The following TET2 variants were observed in gnomAD, a reference collection of about 807,000 sequenced individuals.
TET2 encodes tet methylcytosine dioxygenase 2.
Under a neutral mutation model 142.9 loss-of-function variants are expected in TET2, and 299 were observed. The observed-to-expected ratio is 2.09, with a 90% CI of 1.90 to 2.30. The LOEUF (loss-of-function observed/expected upper bound fraction) is 2.30. Among genes scored for constraint, TET2 ranks in the 30% most tolerant of loss-of-function variants. The probability of loss-of-function intolerance (pLI) is 0.00; values close to 1 mark genes in which losing one functional copy is unlikely to be tolerated. For synonymous variants in TET2, 819 were observed against 849.0 expected (o/e 0.96, Z 0.61); for missense variants, 2,418 against 2,378.0 (o/e 1.02, Z -0.35).
intron 2 of TET2, among the ~76,000 whole-genome samples, chr4:105,198,782 T>C (rs1726253962): frequency 6.6e-6 from 1 of 152,196 alleles, no homozygotes; most frequent in African/African-American, 2.4e-5. Flanking sequence ...GTGGTAATAT[T>C]TGGGAACTCA....
At chr4:105,173,606 TAAAG>T (rs926583891) in intron 1 of TET2, among the ~76,000 whole-genome samples, 6 of 151,980 alleles carry the variant, frequency 3.9e-5, no homozygotes, top group African/African-American at 9.7e-5. Flanking sequence ...ATAAAGGAAA[TAAAG>T]AAATTCTAGT....
Position 105,272,768 on chromosome 4 carries a change from A to G in TET2, c.4387A>G (p.Thr1463Ala). Reference protein sequence around the residue: ...KVRMLAEPVKTCRQRKLEAKK... With the variant: ...KVRMLAEPVKACRQRKLEAKK... The stretch of plus-strand genomic sequence containing the variant: ...CAGGATGTTAGCAGAGCCAGTCAAG[A>G]CTTGCCGACAAAGGAAACTAGAAGC... The change falls in exon 10 of 11, where the codon ACT (threonine) becomes GCT (alanine). Residue 1463 changes from threonine to alanine, a missense_variant. Transcript: ENST00000380013. 6.4e-7 allele frequency: 1 copy of G among 1,551,678 alleles called. No homozygotes were observed. The highest frequency in any genetic ancestry group is 8.7e-7 in the Non-Finnish European group (1 of 1,146,968).
At chr4:105,167,306 A>G (rs534464113) in intron 1 of TET2, among the ~76,000 whole-genome samples, 1 of 152,202 alleles carries the variant, frequency 6.6e-6, no homozygotes, top group South Asian at 2.1e-4. Flanking sequence ...AACAAAGAAA[A>G]TTAAATTTTA....
In TET2 at chr4:105,276,845, C is replaced by CCCCCCCCCCA. The variant is rs1271370575; in HGVS notation, c.*330_*331insCCCCCACCCC. On this transcript the variant is annotated 3_prime_UTR_variant, in exon 11 of 11. Transcript: ENST00000380013. ...GATGATATGTAAATGTGATCCCCCCCCCCCGCTTACAACTCTACACATCTG... is the reference window on the plus strand; with the variant it reads ...GATGATATGTAAATGTGATCCCCCCCCCCCCCCCCACCCCGCTTACAACTCTACACATCTG... 2.6e-4 allele frequency: 55 copies of CCCCCCCCCCA among 213,034 alleles called. No homozygotes were observed. The highest frequency in any genetic ancestry group is 3.8e-4 in the Non-Finnish European group (41 of 107,738). 13.2% of individuals were successfully genotyped at this position (213,034 alleles called of 1,614,324 possible).
intron 1 of TET2, among the ~76,000 whole-genome samples, chr4:105,166,610 G>GA (rs138068949): frequency 0.036 from 5,116 of 143,966 alleles, 257 homozygotes; most frequent in East Asian, 0.2. Context: ...TCTTCTTACA[G>GA]AAAAAAAAAG....
chr4:105,277,445 CTT>C lies in TET2; in HGVS notation c.*927_*928del, dbSNP rs1731275929. ...ACTTTGTCTACCTAAGCTTTGACAA[CTT>C]GAACAATGCTAAGGTACTGAGATGT... On this transcript the variant is annotated 3_prime_UTR_variant, in exon 11 of 11. Transcript: ENST00000380013. The C allele has an allele frequency of 4.4e-6, 1 of 226,484 alleles. No individual in the cohort carries two copies. Among genetic ancestry groups the C allele is most frequent in the Non-Finnish European group, 8.8e-6 (1 of 113,884 alleles). The allele number at this position is 226,484 out of a possible 1,614,324, so 14.0% of individuals were successfully genotyped here.
chr4:105,242,694 C>T (rs946607071), intron 4 of TET2, 140 bp from the exon 5 acceptor site: 2 of 1,443,054 alleles, frequency 1.4e-6, no homozygotes, highest in Non-Finnish European at 1.8e-6. Context: ...TGGCGTAGAC[C>T]TGTTTAAAAA....
At chr4:105,221,109 GAC>G (rs1727790528) in intron 2 of TET2, among the ~76,000 whole-genome samples, 1 of 151,992 alleles carries the variant, frequency 6.6e-6, no homozygotes, top group Admixed American at 6.6e-5. Flanking sequence ...AAATATTTGT[GAC>G]ACAGTACATT....
chr4:105,166,918 G>A (rs1301655546), intron 1 of TET2, among the ~76,000 whole-genome samples: 1 of 151,974 alleles, frequency 6.6e-6, no homozygotes, highest in Non-Finnish European at 1.5e-5. Flanking sequence ...ATATGGCTCT[G>A]TTAAAATGTA....
At chr4:105,202,624 T>G (rs1726551619) in intron 2 of TET2, 1 of 152,250 alleles carries the variant, frequency 6.6e-6, no homozygotes, top group African/African-American at 2.4e-5. Context: ...CTGTTTTCCT[T>G]AAAGGCAGTC....
At chr4:105,154,725 A>C (rs537124819) in intron 1 of TET2, among the ~76,000 whole-genome samples, 1 of 152,278 alleles carries the variant, frequency 6.6e-6, no homozygotes, top group South Asian at 2.1e-4. Context: ...GATGTAACCC[A>C]AGTGTTAAAA....
At chr4:105,165,540 G>A (rs1724107972) in intron 1 of TET2, among the ~76,000 whole-genome samples, 1 of 152,154 alleles carries the variant, frequency 6.6e-6, no homozygotes, top group Admixed American at 6.6e-5. Flanking sequence ...TTATTTATGT[G>A]TCAGAAACTG....
intron 1 of TET2, among the ~76,000 whole-genome samples, chr4:105,188,803 A>C (rs1213964822): frequency 6.6e-6 from 1 of 152,178 alleles, no homozygotes; most frequent in African/African-American, 2.4e-5. Flanking sequence ...CAAAATAGGA[A>C]AACCCATAAA....
At chr4:105,268,011 G>A (rs185819640) in intron 8 of TET2, among the ~76,000 whole-genome samples, 1 of 152,184 alleles carries the variant, frequency 6.6e-6, no homozygotes, top group Admixed American at 6.5e-5. Context: ...TGACCCCTAA[G>A]ATAAGGAACA....
chr4:105,156,374 A>G (rs1405117930), intron 1 of TET2, among the ~76,000 whole-genome samples: 2 of 152,228 alleles, frequency 1.3e-5, no homozygotes, highest in Non-Finnish European at 2.9e-5. Flanking sequence ...ACATTTAGGT[A>G]TGCCATACAG....
In TET2 at chr4:105,243,753, A is replaced by G. The variant is rs1578692151; in HGVS notation, c.3778A>G (p.Asn1260Asp). Reference sequence around the variant, plus strand: ...GCTGAGGAAATACGGCACGCTCACCAATCGCCGGTGTGCCTTGAATGAAGA... The same window carrying G: ...GCTGAGGAAATACGGCACGCTCACCGATCGCCGGTGTGCCTTGAATGAAGA... Reference protein sequence around the residue: ...ETLRKYGTLTNRRCALNEERT... With the variant: ...ETLRKYGTLTDRRCALNEERT... Residue 1260 changes from asparagine (N) to aspartate (D), a missense_variant, in exon 6 of 11, where the codon AAT becomes GAT. Transcript: ENST00000380013. 1 of 1,551,464 alleles carries G rather than the reference A, an allele frequency of 6.4e-7. No individual in the cohort carries two copies. The highest frequency in any genetic ancestry group is 8.7e-7 in the Non-Finnish European group (1 of 1,146,874).
rs190471789 is a variant in TET2 at position 105,277,336 on chromosome 4, C to T, written c.*817C>T. ...AGTGAAGTCCTTGTAGGACAATAAA[C>T]GTATATATGTACATATATACACAAA... is the stretch of plus-strand genomic sequence containing the variant. On this transcript the variant is annotated 3_prime_UTR_variant, in exon 11 of 11. Transcript: ENST00000380013. 25 of 224,136 alleles carry T rather than the reference C, an allele frequency of 1.1e-4. No individual in the cohort carries two copies. Among genetic ancestry groups the T allele is most frequent in the East Asian group, 8.5e-4 (13 of 15,350 alleles). 13.9% of individuals were successfully genotyped at this position (224,136 alleles called of 1,614,324 possible). A position where few individuals can be genotyped will look rare whatever the true frequency, so the allele number is the denominator to read the frequency against.
At chr4:105,261,111 C>A (rs185657442) in intron 7 of TET2, among the ~76,000 whole-genome samples, 66 of 151,922 alleles carry the variant, frequency 4.3e-4, no homozygotes, top group African/African-American at 1.5e-3. Context: ...ATGAAGACTT[C>A]TAAGTATAAA....
intron 8 of TET2, among the ~76,000 whole-genome samples, chr4:105,262,175 C>G (rs1730468914): frequency 6.6e-6 from 1 of 152,052 alleles, no homozygotes; most frequent in Admixed American, 6.6e-5. Flanking sequence ...GCTATAGGTT[C>G]TAACTACCTA....
Sources: gnomAD v4.1 joint callset for allele counts (sites outside exome capture counted in the v4.1 genomes callset) on GRCh38, gnomAD v4.1.1 for gene constraint, MANE v1.5 for transcripts, NCBI Gene and HGNC (gene_info 2026-07-23, HGNC 2026-07-21) for gene names.